The following ZFHX3 variants were observed in gnomAD, a reference collection of about 807,000 sequenced individuals.
ZFHX3 encodes zinc finger homeobox 3, also known as zinc finger homeobox protein 3.
Under a neutral mutation model 279.1 loss-of-function variants are expected in ZFHX3, and 42 were observed. That is an observed-to-expected ratio of 0.15 (90% confidence interval 0.12 to 0.19). ZFHX3 has a LOEUF of 0.19. Ranked by LOEUF, ZFHX3 falls within the 10% of genes least tolerant of loss-of-function variation. The pLI, the probability that ZFHX3 is intolerant of heterozygous loss-of-function variation, is 1.00. For synonymous variants in ZFHX3, 2,293 were observed against 1,957.8 expected, an observed-to-expected ratio of 1.17 and a Z score of -4.52; for missense variants, 4,981 against 4,754.0, an observed-to-expected ratio of 1.05 and a Z score of -1.40.
intron 1 of ZFHX3, among the ~76,000 whole-genome samples, chr16:73,727,379 G>A (rs2053527749): frequency 6.6e-6 from 1 of 152,200 alleles, no homozygotes; most frequent in South Asian, 2.1e-4. Context: ...GGATTAGATG[G>A]TTCAAGAGGA....
At chr16:72,949,630 T>G in intron 3 of ZFHX3, among the ~76,000 whole-genome samples, 1 of 148,326 alleles carries the variant, frequency 6.7e-6, no homozygotes. Flanking sequence ...AAAGAATAAA[T>G]GGACAGGAAA....
At position 73,366,793 on chromosome 16, in the gene ZFHX3, A is replaced by G. The variant is rs79676548; in HGVS notation, c.-1290-48457T>C. ...GATGAGGTGAGAGCTCCAAGATTTCATTACTTTCCAAATAGGTCTATGATC... is the reference window on the plus strand; with the variant it reads ...GATGAGGTGAGAGCTCCAAGATTTCGTTACTTTCCAAATAGGTCTATGATC... On this transcript the variant is annotated intron_variant, in intron 3 of 17. Transcript: ENST00000641206. Among the ~76,000 whole-genome samples the G allele has an allele frequency of 3.5e-4, 54 of 152,274 alleles. No individual in the cohort carries two copies. The East Asian group carries it at 7.7e-3, about 22-fold the overall frequency.
At chr16:72,925,481 T>C (rs868266677) in intron 3 of ZFHX3, among the ~76,000 whole-genome samples, 1 of 152,214 alleles carries the variant, frequency 6.6e-6, no homozygotes, top group Non-Finnish European at 1.5e-5. Flanking sequence ...TCAGGCTAAA[T>C]GGTCCCCAAC....
At chr16:72,993,281 C>T (rs1160081556) in intron 1 of ZFHX3, among the ~76,000 whole-genome samples, 2 of 152,254 alleles carry the variant, frequency 1.3e-5, no homozygotes, top group African/African-American at 4.8e-5. Context: ...GTATGGCCCA[C>T]TGTTCGCATC....
intron 1 of ZFHX3, among the ~76,000 whole-genome samples, chr16:73,712,468 G>A (rs572862651): frequency 2.0e-5 from 3 of 152,156 alleles, no homozygotes; most frequent in Non-Finnish European, 2.9e-5. Context: ...TATCCTTCTC[G>A]GGTGTAATTT....
At chr16:73,735,898 T>TG (rs374528261) in intron 1 of ZFHX3, among the ~76,000 whole-genome samples, 119,631 of 149,734 alleles carry the variant, frequency 0.8, 48,834 homozygotes, top group Middle Eastern at 0.89. Flanking sequence ...TCCGTTTTTT[T>TG]TTTTTTTTTT....
chr16:73,111,801 A>G (rs1966378039), intron 7 of ZFHX3, among the ~76,000 whole-genome samples: 1 of 152,138 alleles, frequency 6.6e-6, no homozygotes, highest in Non-Finnish European at 1.5e-5. Flanking sequence ...CACCTAACAC[A>G]TTCTAAACCC....
chr16:73,010,997 ACAGGGTCTCACTC>A (rs1459281583), intron 1 of ZFHX3, among the ~76,000 whole-genome samples: 1 of 151,890 alleles, frequency 6.6e-6, no homozygotes, highest in Non-Finnish European at 1.5e-5. Context: ...ATTTTGTGAG[ACAGGGTCTCACTC>A]TTGTCATCCA....
At chr16:72,830,737 C>T (rs1322635197) in intron 4 of ZFHX3, among the ~76,000 whole-genome samples, 1 of 152,172 alleles carries the variant, frequency 6.6e-6, no homozygotes, top group Non-Finnish European at 1.5e-5. Flanking sequence ...GAAGGGGAGA[C>T]ACTTCTCTCT....
Position 72,796,674 on chromosome 16 carries a change from T to C in ZFHX3, c.6008A>G (p.Glu2003Gly). The C allele has an allele frequency of 6.2e-7, 1 of 1,614,076 alleles. No homozygotes were observed. Among genetic ancestry groups the C allele is most frequent in the Non-Finnish European group, 8.5e-7 (1 of 1,180,016 alleles). Reference sequence around the variant, plus strand: ...AGGAAAGTAATTCTGATGAACGTGCTCTTGATGACTCTTTAAAATCAAGAT... The same window carrying C: ...AGGAAAGTAATTCTGATGAACGTGCCCTTGATGACTCTTTAAAATCAAGAT... Reference protein sequence around the residue: ...SNILILKSHQEHVHQNYFPFK... With the variant: ...SNILILKSHQGHVHQNYFPFK... Residue 2003 changes from glutamate to glycine, a missense_variant, in exon 9 of 10, where the codon GAG (glutamate) becomes GGG (glycine). Physicochemically the swap from Glu to Gly is moderately conservative, Grantham distance 98. This residue lies in a region of ZFHX3 where 1,751 missense variants were observed against 1,770.0 expected (regional missense o/e 0.99). Transcript: ENST00000268489.
chr16:73,542,552 G>A (rs986232450), intron 2 of ZFHX3, among the ~76,000 whole-genome samples: 5 of 152,040 alleles, frequency 3.3e-5, no homozygotes, highest in Non-Finnish European at 5.9e-5. Context: ...CTAAAATACT[G>A]AATAAATCTG....
intron 2 of ZFHX3, among the ~76,000 whole-genome samples, chr16:73,531,815 A>T (rs924514595): frequency 1.3e-4 from 20 of 151,360 alleles, no homozygotes; most frequent in African/African-American, 4.6e-4. Context: ...TAGGCTGTGC[A>T]CAGTGGTTCA....
chr16:73,699,199 T>C (rs1280260895), intron 1 of ZFHX3, among the ~76,000 whole-genome samples: 2 of 152,178 alleles, frequency 1.3e-5, no homozygotes, highest in Admixed American at 6.6e-5. Context: ...AATTTCTTAG[T>C]TTTGGCAATT....
chr16:73,815,046 G>C (rs945824688), intron 1 of ZFHX3, among the ~76,000 whole-genome samples: 1 of 152,108 alleles, frequency 6.6e-6, no homozygotes, highest in South Asian at 2.1e-4. Flanking sequence ...AAATACAATG[G>C]GAAATGCTAG....
chr16:72,875,409 G>A (rs1166533958), intron 4 of ZFHX3, among the ~76,000 whole-genome samples: 4 of 152,220 alleles, frequency 2.6e-5, no homozygotes, highest in Non-Finnish European at 4.4e-5. Flanking sequence ...TCTGTGCCAG[G>A]AGGCACAGCC....
At chr16:73,069,311 C>T (rs902782778) in intron 8 of ZFHX3, among the ~76,000 whole-genome samples, 7 of 152,124 alleles carry the variant, frequency 4.6e-5, no homozygotes, top group African/African-American at 1.7e-4. Flanking sequence ...GGCCTCTCAC[C>T]CTCTCCCCCA....
chr16:73,014,675 C>T (rs931671291), intron 1 of ZFHX3, among the ~76,000 whole-genome samples: 39 of 151,420 alleles, frequency 2.6e-4, no homozygotes, highest in African/African-American at 8.0e-4. Context: ...TACAGGCAGG[C>T]ACCACCATGC....
At chr16:73,110,670 C>T (rs1348017296) in intron 7 of ZFHX3, among the ~76,000 whole-genome samples, 4 of 152,014 alleles carry the variant, frequency 2.6e-5, no homozygotes, top group Non-Finnish European at 2.9e-5. Flanking sequence ...TCCAAATGAT[C>T]CTCCCACCCC....
chr16:73,330,864 T>A (rs1342689202), intron 3 of ZFHX3, among the ~76,000 whole-genome samples: 1 of 152,198 alleles, frequency 6.6e-6, no homozygotes, highest in Non-Finnish European at 1.5e-5. Context: ...ATCAACCCTA[T>A]ACTCATTGGT....
Sources: gnomAD v4.1 joint callset for allele counts (sites outside exome capture counted in the v4.1 genomes callset) on GRCh38, gnomAD v4.1.1 for gene constraint, gnomAD v4.1.1 regional missense constraint, MANE v1.5 for transcripts, NCBI Gene and HGNC (gene_info 2026-07-23, HGNC 2026-07-21) for gene names.